USP47: variants seen among roughly 807,000 people sequenced by gnomAD.
USP47 encodes the protein ubiquitin carboxyl-terminal hydrolase 47.
In USP47, 35 loss-of-function variants were observed where a neutral mutation model predicts 165.1. The ratio of observed to expected loss-of-function variants is 0.21; its 90% CI spans 0.16 to 0.28. The LOEUF is 0.28. Among genes scored for constraint, USP47 ranks in the 10% least tolerant of loss-of-function variants. USP47 has a pLI of 1.00. For missense variants in USP47, 1,277 were observed against 1,607.4 expected (o/e 0.79, Z 3.52); for synonymous variants, 531 against 544.5 (o/e 0.98, Z 0.35).
At chr11:11,882,784 A>T (rs866772646) in intron 2 of USP47, among the ~76,000 whole-genome samples, 1 of 152,058 alleles carries the variant, frequency 6.6e-6, no homozygotes, top group Non-Finnish European at 1.5e-5. Context: ...TCCATTTCCA[A>T]TGTCAGCATT....
intron 1 of USP47, among the ~76,000 whole-genome samples, chr11:11,878,073 T>C (rs1053892243): frequency 2.0e-5 from 3 of 151,988 alleles, no homozygotes; most frequent in African/African-American, 7.2e-5. Context: ...CTGTATAACA[T>C]ATTTAGTCTT....
At chr11:11,907,833 C>T (rs1852672909) in intron 8 of USP47, among the ~76,000 whole-genome samples, 1 of 152,106 alleles carries the variant, frequency 6.6e-6, no homozygotes, top group African/African-American at 2.4e-5. Flanking sequence ...TAGTGGCTCA[C>T]ACCTGTAATC....
chr11:11,916,660 A>G (rs1317654353), intron 8 of USP47, among the ~76,000 whole-genome samples: 2 of 152,172 alleles, frequency 1.3e-5, no homozygotes, highest in African/African-American at 2.4e-5. Context: ...TCTCAGAAAA[A>G]AAAAATTGAA....
intron 2 of USP47, among the ~76,000 whole-genome samples, chr11:11,880,884 T>C (rs1850782862): frequency 6.6e-6 from 1 of 152,162 alleles, no homozygotes; most frequent in East Asian, 1.9e-4. Context: ...AACTTTTTTG[T>C]ATGTTTATTT....
chr11:11,899,960 T>G (rs527764313), intron 5 of USP47, among the ~76,000 whole-genome samples: 1 of 152,122 alleles, frequency 6.6e-6, no homozygotes, highest in South Asian at 2.1e-4. Flanking sequence ...CATGAAAGGA[T>G]AGACTAGCCA....
Position 11,958,821 on chromosome 11 carries a change from G to A in USP47, c.*2646G>A, listed in dbSNP as rs1847330149. ...CGTGTATGTAAGGAAGAGCAATCAT[G>A]ATAGATAAGAACAGTGTGTGAAGCA... On this transcript the variant is annotated 3_prime_UTR_variant, in exon 28 of 28. Coordinates refer to ENST00000527733, the MANE Select transcript of USP47 (RefSeq NM_001282659.2). 1 of 152,226 alleles carries A rather than the reference G, an allele frequency of 6.6e-6. No individual in the cohort carries two copies. 9.4% of individuals were successfully genotyped at this position (152,226 alleles called of 1,614,324 possible).
intron 8 of USP47, among the ~76,000 whole-genome samples, chr11:11,913,497 A>G (rs752284930): frequency 6.6e-6 from 1 of 151,784 alleles, no homozygotes; most frequent in Admixed American, 6.6e-5. Flanking sequence ...ATTATGTTAA[A>G]TAAGCTAGGA....
intron 1 of USP47, among the ~76,000 whole-genome samples, chr11:11,861,549 A>G (rs1246702924): frequency 6.6e-6 from 1 of 152,206 alleles, no homozygotes; most frequent in Non-Finnish European, 1.5e-5. Context: ...CTATTAATTG[A>G]TTGAGTACTT....
In USP47 at chr11:11,930,691, A is replaced by G. The variant is rs368937039; in HGVS notation, c.1596-5A>G. On this transcript the variant is annotated splice_region_variant and splice_polypyrimidine_tract_variant and intron_variant, in intron 13 of 27. Coordinates refer to ENST00000527733, the MANE Select transcript of USP47 (RefSeq NM_001282659.2). ...CCTTATTAATCTTTTTTATGTTTCT[A>G]CTAGTTCCACAAATGCATATATGCT... is the stretch of plus-strand genomic sequence containing the variant. 120 of 1,598,052 alleles carry G rather than the reference A, an allele frequency of 7.5e-5. No individual in the cohort carries two copies. The highest frequency in any genetic ancestry group is 9.5e-5 in the Non-Finnish European group (111 of 1,173,424).
intron 1 of USP47, among the ~76,000 whole-genome samples, chr11:11,877,803 CTCTGTG>C (rs1228853508): frequency 3.3e-4 from 14 of 42,952 alleles, no homozygotes; most frequent in South Asian, 2.2e-3. Context: ...CTCTCTCTCT[CTCTGTG>C]TGTGTGTGTG....
chr11:11,845,817 A>G (rs1305921816), intron 1 of USP47, among the ~76,000 whole-genome samples: 2 of 152,220 alleles, frequency 1.3e-5, no homozygotes, highest in Admixed American at 6.5e-5. Context: ...TCTTTGTCTT[A>G]GAAGAGATCT....
rs1848156315 is a variant in USP47, at chr11:11,842,158, G to A, written c.-28G>A. Reference sequence around the variant, plus strand: ...CGCCACCCTCCACCCTCCCCCGGCAGGGCGGAGAGGAGCGGCCGGAGTCAG... The same window carrying A: ...CGCCACCCTCCACCCTCCCCCGGCAAGGCGGAGAGGAGCGGCCGGAGTCAG... On this transcript the variant is annotated 5_prime_UTR_variant, in exon 1 of 28. Coordinates refer to ENST00000527733, the MANE Select transcript of USP47 (RefSeq NM_001282659.2). The A allele has an allele frequency of 1.3e-6, 2 of 1,551,612 alleles. No individual in the cohort carries two copies. The highest frequency in any genetic ancestry group is 1.4e-5 in the African/African-American group (1 of 73,130).
intron 5 of USP47, among the ~76,000 whole-genome samples, chr11:11,900,971 T>C (rs1028514829): frequency 6.6e-6 from 1 of 152,178 alleles, no homozygotes; most frequent in Non-Finnish European, 1.5e-5. Context: ...ATAATGTCAG[T>C]TATAAGTACC....
intron 8 of USP47, among the ~76,000 whole-genome samples, chr11:11,910,329 A>T (rs1463597833): frequency 6.6e-6 from 1 of 152,210 alleles, no homozygotes; most frequent in Admixed American, 6.5e-5. Flanking sequence ...AGAAGCTGGC[A>T]GCCTGGAAAC....
chr11:11,855,930 T>C (rs1417582475), intron 1 of USP47, among the ~76,000 whole-genome samples: 1 of 152,154 alleles, frequency 6.6e-6, no homozygotes, highest in Non-Finnish European at 1.5e-5. Context: ...GACAAATATA[T>C]AATGTGGAAA....
At chr11:11,949,546 C>G (rs1856079633) in intron 22 of USP47, among the ~76,000 whole-genome samples, 1 of 152,108 alleles carries the variant, frequency 6.6e-6, no homozygotes, top group African/African-American at 2.4e-5. Flanking sequence ...GTATACATTT[C>G]CCTCATTTTA....
At chr11:11,922,365 C>T (rs73413232) in intron 10 of USP47, among the ~76,000 whole-genome samples, 3,576 of 151,834 alleles carry the variant, frequency 0.024, 129 homozygotes, top group African/African-American at 0.083. Flanking sequence ...TTTGAGAACA[C>T]CAGAAGCTCA....
rs1467657428 is a variant in USP47, at chr11:11,922,895, C to A, written c.1386+4C>A. On this transcript the variant is annotated splice_donor_region_variant and intron_variant, in intron 11 of 27. Coordinates refer to ENST00000527733, the MANE Select transcript of USP47 (RefSeq NM_001282659.2). ...CTCAAAATCTGGACTTGAAAAGGTA[C>A]CTTTTATAGTTTGCATTTTTTAGTT... The A allele has an allele frequency of 6.2e-7, 1 of 1,605,086 alleles. No individual in the cohort carries two copies. Among genetic ancestry groups the A allele is most frequent in the African/African-American group, 1.3e-5 (1 of 74,306 alleles).
intron 8 of USP47, among the ~76,000 whole-genome samples, chr11:11,916,655 G>GA (rs200819838): frequency 4.9e-4 from 73 of 148,998 alleles, no homozygotes; most frequent in East Asian, 1.4e-3. Context: ...AAGGATCTCA[G>GA]AAAAAAAAAA....
Sources: gnomAD v4.1 joint callset for allele counts (sites outside exome capture counted in the v4.1 genomes callset) on GRCh38, gnomAD v4.1.1 for gene constraint, MANE v1.5 for transcripts, NCBI Gene and HGNC (gene_info 2026-07-23, HGNC 2026-07-21) for gene names.